PRKN: variants seen among roughly 807,000 people sequenced by gnomAD.
The protein encoded by PRKN is E3 ubiquitin-protein ligase parkin.
In PRKN, 56 loss-of-function variants were observed where a neutral mutation model predicts 59.5. The ratio of observed to expected loss-of-function variants is 0.94; its 90% CI spans 0.76 to 1.18. PRKN has a LOEUF of 1.18. Ranked by LOEUF, PRKN falls within the 50% of genes most tolerant of loss-of-function variation. PRKN has a pLI of 0.00. For synonymous variants in PRKN, 250 were observed against 222.1 expected (o/e 1.13, Z -1.12); for missense variants, 657 against 596.4 (o/e 1.10, Z -1.06).
At chr6:162,353,409 C>T (rs1036446956) in intron 2 of PRKN, among the ~76,000 whole-genome samples, 2 of 151,464 alleles carry the variant, frequency 1.3e-5, no homozygotes, top group African/African-American at 4.9e-5. Context: ...TATTCTTTCA[C>T]ATATATTAAA....
At chr6:162,479,818 G>C (rs953014515) in intron 1 of PRKN, among the ~76,000 whole-genome samples, 1 of 150,290 alleles carries the variant, frequency 6.7e-6, no homozygotes, top group Non-Finnish European at 1.5e-5. Context: ...CTGTAATCCA[G>C]CACTTTGGGA....
chr6:161,545,080 C>G lies in PRKN; in HGVS notation c.1083+3774G>C. On this transcript the variant is annotated intron_variant, in intron 9 of 11. Coordinates refer to ENST00000366898, the MANE Select transcript of PRKN (RefSeq NM_004562.3). The surrounding 1 kb of genome is among the most constrained non-coding windows in gnomAD (Gnocchi z 4.1). ...AGCTCAACACATGGGTGTCTAGCTC[C>G]GAACAATTTTAAATCCCACAAATGA... 1 of 1,048,326 alleles carries G rather than the reference C, an allele frequency of 9.5e-7. No homozygotes were observed. The highest frequency in any genetic ancestry group is 1.7e-5 in the African/African-American group (1 of 60,276). 64.9% of individuals were successfully genotyped at this position (1,048,326 alleles called of 1,614,324 possible).
At chr6:162,074,736 C>T (rs1244499423) in intron 4 of PRKN, among the ~76,000 whole-genome samples, 1 of 152,132 alleles carries the variant, frequency 6.6e-6, no homozygotes, top group Non-Finnish European at 1.5e-5. Context: ...AGTCAATCAC[C>T]ATCATTACTT....
chr6:161,882,869 G>C (rs1046016643), intron 6 of PRKN, among the ~76,000 whole-genome samples: 1 of 151,876 alleles, frequency 6.6e-6, no homozygotes, highest in Non-Finnish European at 1.5e-5. Flanking sequence ...GCTGGGTGTG[G>C]TGGCGGGTGC....
chr6:161,762,163 G>A (rs917275709), intron 7 of PRKN, among the ~76,000 whole-genome samples: 1 of 152,168 alleles, frequency 6.6e-6, no homozygotes, highest in Non-Finnish European at 1.5e-5. Flanking sequence ...GCTGATGTGA[G>A]GCAACAGTAA....
Position 161,578,247 on chromosome 6 carries a change from C to T in PRKN, c.872-8831G>A, listed in dbSNP as rs1481623769. ...GATGAGAATTGAAAGCACCTGCATA[C>T]ACACAGCCTACCTACTGGGGCTGAG... On this transcript the variant is annotated intron_variant, in intron 7 of 11. Coordinates refer to ENST00000366898, the MANE Select transcript of PRKN (RefSeq NM_004562.3). The surrounding 1 kb of genome is among the most constrained non-coding windows in gnomAD (Gnocchi z 4.2). Among the ~76,000 whole-genome samples the T allele has an allele frequency of 6.6e-6, 1 of 152,198 alleles. No homozygotes were observed. Among genetic ancestry groups the T allele is most frequent in the African/African-American group, 2.4e-5 (1 of 41,450 alleles).
intron 6 of PRKN, among the ~76,000 whole-genome samples, chr6:161,827,783 C>A (rs1792309247): frequency 6.6e-6 from 1 of 152,166 alleles, no homozygotes; most frequent in Non-Finnish European, 1.5e-5. Flanking sequence ...TCTGGGATTA[C>A]AAGCGTGAGC....
chr6:162,149,323 C>T (rs912664205), intron 4 of PRKN, among the ~76,000 whole-genome samples: 3 of 152,112 alleles, frequency 2.0e-5, no homozygotes, highest in Admixed American at 2.0e-4. Flanking sequence ...CTGCTCATTG[C>T]AATCTCTGCC....
Position 162,337,389 on chromosome 6 carries a change from G to A in PRKN, c.172-74624C>T, listed in dbSNP as rs192218909. On this transcript the variant is annotated intron_variant, in intron 2 of 11. Transcript: ENST00000366898. ...CCTTTAACAGAATAGGTAACTAGAC[G>A]ATGCCTCATCTTTTCTCAGAGTTCA... Among the ~76,000 whole-genome samples, 619 of 152,208 alleles carry A rather than the reference G, an allele frequency of 4.1e-3. 4 individuals are homozygous for A. The highest frequency in any genetic ancestry group is 4.9e-3 in the Non-Finnish European group (336 of 68,026).
chr6:161,529,702 C>T lies in PRKN; in HGVS notation c.1083+19152G>A, dbSNP rs12529813. On this transcript the variant is annotated intron_variant, in intron 9 of 11. Transcript: ENST00000366898. This position sits in a 1 kb window ranked among gnomAD's most constrained non-coding sequence, Gnocchi z 4.4. ...ATAAGTTGTCTTCTGCAAAATAAGACACAAAAATAGTTTTGAAATCAAAAA... is the reference window on the plus strand; with the variant it reads ...ATAAGTTGTCTTCTGCAAAATAAGATACAAAAATAGTTTTGAAATCAAAAA... Among the ~76,000 whole-genome samples the T allele has an allele frequency of 0.081, 12,353 of 152,156 alleles. 735 individuals carry two copies. Among genetic ancestry groups the T allele is most frequent in the African/African-American group, 0.16 (6,820 of 41,470 alleles).
intron 1 of PRKN, among the ~76,000 whole-genome samples, chr6:162,627,239 A>C (rs932525349): frequency 6.6e-6 from 1 of 152,230 alleles, no homozygotes; most frequent in African/African-American, 2.4e-5. Context: ...TCTACCATAC[A>C]TAATAGTGCA....
At chr6:161,822,159 T>A (rs1792058469) in intron 6 of PRKN, among the ~76,000 whole-genome samples, 1 of 152,162 alleles carries the variant, frequency 6.6e-6, no homozygotes, top group Admixed American at 6.6e-5. Context: ...CACCCCAATA[T>A]TTAATGGGAC....
At chr6:161,873,332 A>G (rs1157820157) in intron 6 of PRKN, among the ~76,000 whole-genome samples, 2 of 151,990 alleles carry the variant, frequency 1.3e-5, no homozygotes, top group Non-Finnish European at 2.9e-5. Flanking sequence ...CTCTGAAGTT[A>G]GATATCCTGG....
intron 9 of PRKN, among the ~76,000 whole-genome samples, chr6:161,443,800 G>A (rs1353010353): frequency 2.0e-5 from 3 of 152,170 alleles, no homozygotes; most frequent in East Asian, 1.9e-4. Flanking sequence ...CTGATGCCCC[G>A]GTAGGCAGAG....
intron 5 of PRKN, among the ~76,000 whole-genome samples, chr6:162,008,324 C>T (rs371930096): frequency 1.3e-5 from 2 of 152,168 alleles, no homozygotes; most frequent in South Asian, 4.1e-4. Context: ...CCACCTGCTT[C>T]GTGCCCCGGG....
At chr6:162,137,408 A>G (rs1781597089) in intron 4 of PRKN, among the ~76,000 whole-genome samples, 2 of 152,214 alleles carry the variant, frequency 1.3e-5, no homozygotes, top group South Asian at 4.1e-4. Context: ...ACCTAAAACT[A>G]CCTGAGACAC....
chr6:162,390,476 C>A (rs2128144437), intron 2 of PRKN, among the ~76,000 whole-genome samples: 1 of 150,528 alleles, frequency 6.6e-6, no homozygotes, highest in East Asian at 2.0e-4. Context: ...GAGTCTCGTT[C>A]TGTCACCCAG....
At chr6:162,671,650 C>T (rs1318648968) in intron 1 of PRKN, among the ~76,000 whole-genome samples, 3 of 151,962 alleles carry the variant, frequency 2.0e-5, no homozygotes, top group Admixed American at 6.6e-5. Context: ...ATTTACCAGT[C>T]AATCATACCA....
chr6:161,642,660 T>G (rs2128159016), intron 7 of PRKN, among the ~76,000 whole-genome samples: 1 of 152,150 alleles, frequency 6.6e-6, no homozygotes, highest in South Asian at 2.1e-4. Context: ...CCACAAAAAT[T>G]TTAAAAACTA....
Sources: gnomAD v4.1 joint callset for allele counts (sites outside exome capture counted in the v4.1 genomes callset) on GRCh38, gnomAD v4.1.1 for gene constraint, Gnocchi (gnomAD v3.1) non-coding constraint, MANE v1.5 for transcripts, NCBI Gene and HGNC (gene_info 2026-07-23, HGNC 2026-07-21) for gene names.